Variants in LUZP2 observed in about 807,000 individuals in gnomAD.
The protein encoded by LUZP2 is leucine zipper protein 2.
LUZP2 carries 52 observed loss-of-function variants against 51.6 expected under a neutral mutation model. The ratio of observed to expected loss-of-function variants is 1.01; its 90% CI spans 0.81 to 1.27. The LOEUF is 1.27. Among genes scored for constraint, LUZP2 ranks in the 50% most tolerant of loss-of-function variants. The probability of loss-of-function intolerance (pLI) is 0.00; values close to 1 mark genes in which losing one functional copy is unlikely to be tolerated. For synonymous variants in LUZP2, 154 were observed against 137.3 expected (o/e 1.12, Z -0.85); for missense variants, 436 against 395.4 (o/e 1.10, Z -0.87).
At chr11:24,568,320 A>G (rs1215205771) in intron 1 of LUZP2, among the ~76,000 whole-genome samples, 3 of 149,206 alleles carry the variant, frequency 2.0e-5, no homozygotes, top group Non-Finnish European at 4.4e-5. Flanking sequence ...AGATTGTGCC[A>G]CTGCACTAGG....
intron 10 of LUZP2, among the ~76,000 whole-genome samples, chr11:25,063,319 G>A (rs2134043427): frequency 1.3e-5 from 2 of 151,654 alleles, no homozygotes; most frequent in South Asian, 2.1e-4. Context: ...ATCTGTGTGG[G>A]ATGATGGAAG....
chr11:24,996,569 CTTTTTTTATTTTATTTTATT>C (rs1248362087), intron 9 of LUZP2, among the ~76,000 whole-genome samples: 14 of 141,578 alleles, frequency 9.9e-5, no homozygotes, highest in South Asian at 2.1e-4. Flanking sequence ...TTTCTTTTTT[CTTTTTTTATTTTATTTTATT>C]TTATTTTATT....
chr11:24,582,722 G>A (rs1311588445), intron 1 of LUZP2, among the ~76,000 whole-genome samples: 1 of 152,014 alleles, frequency 6.6e-6, no homozygotes, highest in Non-Finnish European at 1.5e-5. Context: ...TAGAAGAAAT[G>A]TGTGCCTGGT....
chr11:24,514,973 T>C (rs150538046), intron 1 of LUZP2, among the ~76,000 whole-genome samples: 1 of 152,278 alleles, frequency 6.6e-6, no homozygotes, highest in East Asian at 1.9e-4. Context: ...TTATTGTTAG[T>C]AAGACCAAAG....
At chr11:24,581,197 CAAA>C (rs74259786) in intron 1 of LUZP2, among the ~76,000 whole-genome samples, 3 of 70,236 alleles carry the variant, frequency 4.3e-5, no homozygotes, top group Non-Finnish European at 6.4e-5. Flanking sequence ...TTTCACTGGC[CAAA>C]AAAAAAAAAA....
At chr11:24,580,403 C>T (rs10834395) in intron 1 of LUZP2, among the ~76,000 whole-genome samples, 87,611 of 151,756 alleles carry the variant, frequency 0.58, 25,873 homozygotes, top group East Asian at 0.73. Flanking sequence ...GTTGCTGTCC[C>T]ATCAAATAAA....
intron 6 of LUZP2, among the ~76,000 whole-genome samples, chr11:24,907,965 G>A (rs1360026428): frequency 6.6e-6 from 1 of 151,916 alleles, no homozygotes; most frequent in Non-Finnish European, 1.5e-5. Flanking sequence ...ATGTCATTAT[G>A]TATTTATGGA....
At chr11:25,004,007 A>G (rs1341621994) in intron 9 of LUZP2, among the ~76,000 whole-genome samples, 1 of 152,198 alleles carries the variant, frequency 6.6e-6, no homozygotes, top group African/African-American at 2.4e-5. Flanking sequence ...ACAGTTGTCC[A>G]GGACAGGAGA....
intron 7 of LUZP2, among the ~76,000 whole-genome samples, chr11:24,928,185 C>T (rs974208626): frequency 6.6e-6 from 1 of 151,928 alleles, no homozygotes; most frequent in Non-Finnish European, 1.5e-5. Flanking sequence ...CAGCAAACAG[C>T]AGCAGTTTGA....
chr11:24,604,925 C>T (rs1853865093), intron 1 of LUZP2, among the ~76,000 whole-genome samples: 1 of 151,782 alleles, frequency 6.6e-6, no homozygotes. Context: ...TTAAAAAACT[C>T]ATAGTTATCT....
chr11:24,986,806 A>C (rs1441750044), intron 9 of LUZP2, among the ~76,000 whole-genome samples: 3 of 151,714 alleles, frequency 2.0e-5, no homozygotes, highest in Non-Finnish European at 4.4e-5. Context: ...TTTGGAAAAA[A>C]TAAATATAAA....
intron 1 of LUZP2, among the ~76,000 whole-genome samples, chr11:24,618,820 T>C (rs1854387343): frequency 6.6e-6 from 1 of 152,056 alleles, no homozygotes; most frequent in South Asian, 2.1e-4. Flanking sequence ...TGCCAATGTT[T>C]TGGAAACGGA....
intron 6 of LUZP2, among the ~76,000 whole-genome samples, chr11:24,906,841 T>C (rs192763411): frequency 6.6e-6 from 1 of 152,224 alleles, no homozygotes; most frequent in Admixed American, 6.5e-5. Context: ...TGGCTTCATA[T>C]CATGATGAAT....
intron 1 of LUZP2, among the ~76,000 whole-genome samples, chr11:24,590,955 C>A (rs1853237282): frequency 6.6e-6 from 1 of 151,998 alleles, no homozygotes; most frequent in Admixed American, 6.6e-5. Flanking sequence ...AATAGATTTA[C>A]AAGATCCTGG....
At chr11:24,998,257 G>A (rs1856568554) in intron 9 of LUZP2, among the ~76,000 whole-genome samples, 2 of 152,244 alleles carry the variant, frequency 1.3e-5, no homozygotes, top group African/African-American at 4.8e-5. Flanking sequence ...CATGAGCATG[G>A]AATGTTCTTC....
intron 5 of LUZP2, among the ~76,000 whole-genome samples, chr11:24,833,284 ACACT>A (rs1334074823): frequency 6.6e-6 from 1 of 152,190 alleles, no homozygotes; most frequent in African/African-American, 2.4e-5. Context: ...GAACTGGGAA[ACACT>A]CAGTAATGGT....
chr11:25,010,731 C>G (rs74490392), intron 9 of LUZP2, among the ~76,000 whole-genome samples: 1 of 151,766 alleles, frequency 6.6e-6, no homozygotes, highest in African/African-American at 2.4e-5. Context: ...CATGTAGTCC[C>G]AGCTACTCCA....
At chr11:24,627,568 T>C (rs1326820454) in intron 1 of LUZP2, among the ~76,000 whole-genome samples, 4 of 152,226 alleles carry the variant, frequency 2.6e-5, no homozygotes, top group Non-Finnish European at 5.9e-5. Flanking sequence ...GATAGCAATT[T>C]GCTTTACCGA....
At chr11:25,070,724 G>A (rs1590896680) in intron 10 of LUZP2, among the ~76,000 whole-genome samples, 1 of 150,222 alleles carries the variant, frequency 6.7e-6, no homozygotes, top group East Asian at 1.9e-4. Context: ...TACATGATAA[G>A]TTCATATATA....
Sources: gnomAD v4.1 joint callset for allele counts (sites outside exome capture counted in the v4.1 genomes callset) on GRCh38, gnomAD v4.1.1 for gene constraint, MANE v1.5 for transcripts, NCBI Gene and HGNC (gene_info 2026-07-23, HGNC 2026-07-21) for gene names.